ITGB2: variants seen among roughly 807,000 people sequenced by gnomAD.
The protein encoded by ITGB2 is integrin beta-2.
Under a neutral mutation model 86.8 loss-of-function variants are expected in ITGB2, and 56 were observed. The ratio of observed to expected loss-of-function variants is 0.65; its 90% confidence interval spans 0.52 to 0.81. ITGB2 has a LOEUF of 0.81. ITGB2 is among the 30% of genes least tolerant of loss of function. ITGB2 has a pLI of 0.00. For missense variants in ITGB2, 948 were observed against 1,061.2 expected (o/e 0.89, Z 1.48); for synonymous variants, 457 against 450.4 (o/e 1.01, Z -0.19).
At chr21:44,924,579 G>C (rs1472293260), upstream of ITGB2, among the ~76,000 whole-genome samples, 1 of 151,962 alleles carries the variant, frequency 6.6e-6, no homozygotes, top group Non-Finnish European at 1.5e-5. Context: ...ATAATTACTA[G>C]ACCACAAGGG....
chr21:44,907,528 T>A (rs78817945), intron 3 of ITGB2, among the ~76,000 whole-genome samples: 2,600 of 152,100 alleles, frequency 0.017, 54 homozygotes, highest in African/African-American at 0.053. Flanking sequence ...ATGGGCAGGG[T>A]TCTGGGCCAA....
At chr21:44,910,080 A>G (rs2084106006) in intron 3 of ITGB2, among the ~76,000 whole-genome samples, 1 of 152,212 alleles carries the variant, frequency 6.6e-6, no homozygotes, top group Non-Finnish European at 1.5e-5. Context: ...GAAAAAATAC[A>G]AGTGTGTGTT....
rs1159510865 is a variant in ITGB2, at chr21:44,886,360, A to G, written c.*8T>C. 5 of 1,613,790 alleles carry G rather than the reference A, an allele frequency of 3.1e-6. No individual in the cohort carries two copies. The highest frequency in any genetic ancestry group is 4.2e-6 in the Non-Finnish European group (5 of 1,179,704). On this transcript the variant is annotated 3_prime_UTR_variant, in exon 16 of 16. Transcript: ENST00000652462. ...GGGTCCTGACGGCCTTGTCTTCACC[A>G]AGTGCTCCTAACTCTCAGCAAACTT...
intron 1 of ITGB2, among the ~76,000 whole-genome samples, chr21:44,914,937 AAAAAAGAAAAG>A (rs943241034): frequency 1.4e-4 from 21 of 151,932 alleles, no homozygotes; most frequent in African/African-American, 5.1e-4. Context: ...TGTCTCAAAA[AAAAAAGAAAAG>A]AAAAAGAAAG....
chr21:44,919,168 CACA>C (rs1383963500), intron 1 of ITGB2, among the ~76,000 whole-genome samples: 26 of 152,154 alleles, frequency 1.7e-4, no homozygotes, highest in Admixed American at 2.6e-4. Flanking sequence ...GTCAGGTGGC[CACA>C]GGGGTCCTGG....
intron 4 of ITGB2, among the ~76,000 whole-genome samples, chr21:44,904,198 C>G (rs1177103083): frequency 6.6e-6 from 1 of 152,102 alleles, no homozygotes; most frequent in Non-Finnish European, 1.5e-5. Flanking sequence ...CACCCTCCAG[C>G]CTTCAGCCCC....
chr21:44,923,847 G>T (rs1265929600), upstream of ITGB2, among the ~76,000 whole-genome samples: 1 of 152,170 alleles, frequency 6.6e-6, no homozygotes, highest in African/African-American at 2.4e-5. Flanking sequence ...CAGATAAACT[G>T]TTAAAAGAGA....
At chr21:44,922,658 GAAAAAA>G (rs10532717), upstream of ITGB2, among the ~76,000 whole-genome samples, 1 of 114,706 alleles carries the variant, frequency 8.7e-6, no homozygotes. Flanking sequence ...GGGTAACTGA[GAAAAAA>G]AAAAAAAAAA....
rs2083697547 is a variant in ITGB2 at position 44,886,334 on chromosome 21, T to C, written c.*34A>G. ...CGGCCGCGTGATGGGGCAGACATGG[T>C]GGGTCCTGACGGCCTTGTCTTCACC... On this transcript the variant is annotated 3_prime_UTR_variant, in exon 16 of 16. Coordinates refer to ENST00000652462, the MANE Select transcript of ITGB2 (RefSeq NM_000211.5). The C allele has an allele frequency of 1.3e-6, 2 of 1,595,288 alleles. No homozygotes were observed. The highest frequency in any genetic ancestry group is 8.6e-7 in the Non-Finnish European group (1 of 1,162,868).
Position 44,888,784 on chromosome 21 carries a change from C to T in ITGB2, c.1989G>A (p.Lys663=), listed in dbSNP as rs1601280794. Residue 663 remains lysine, a synonymous_variant, in exon 14 of 16, where the codon AAG becomes AAA. Coordinates refer to ENST00000652462, the MANE Select transcript of ITGB2 (RefSeq NM_000211.5). ...CCCAGCAGCCCTCTGAGTCCCTCTC[C>T]TTGCAGGTCCTGCCCTTCACGGGGT... is the stretch of plus-strand genomic sequence containing the variant. ...SNNPVKGRTC[K]ERDSEGCWVA... is the part of the protein sequence containing the mutation. 3 of 1,612,120 alleles carry T rather than the reference C, an allele frequency of 1.9e-6. No individual in the cohort carries two copies. The highest frequency in any genetic ancestry group is 1.7e-6 in the Non-Finnish European group (2 of 1,179,986).
upstream of ITGB2, among the ~76,000 whole-genome samples, chr21:44,925,851 G>C (rs1185724397): frequency 6.6e-6 from 1 of 152,198 alleles, no homozygotes; most frequent in Non-Finnish European, 1.5e-5. Context: ...GGCCGAGGCG[G>C]GTGGATCACG....
intron 14 of ITGB2, 33 bp from the exon 15 acceptor site, chr21:44,886,935 C>A: frequency 6.2e-7 from 1 of 1,608,762 alleles, no homozygotes; most frequent in Non-Finnish European, 8.5e-7. Context: ...GAGCGTCAGT[C>A]CAGCCCCATC....
At chr21:44,920,274 G>A (rs1238630794) in intron 1 of ITGB2, among the ~76,000 whole-genome samples, 2 of 151,760 alleles carry the variant, frequency 1.3e-5, no homozygotes, top group South Asian at 2.1e-4. Flanking sequence ...TGCCACACAC[G>A]TGCACCATAC....
chr21:44,903,211 G>T, intron 5 of ITGB2, among the ~76,000 whole-genome samples, 154 bp downstream of exon 5: 1 of 152,138 alleles, frequency 6.6e-6, no homozygotes, highest in East Asian at 1.9e-4. Context: ...GAGGCAGGCC[G>T]ACTGCAGCCC....
At chr21:44,922,617 G>A (rs1465168703), upstream of ITGB2, among the ~76,000 whole-genome samples, 3 of 142,810 alleles carry the variant, frequency 2.1e-5, no homozygotes, top group South Asian at 7.0e-4. Flanking sequence ...AGGCTACGGT[G>A]AACCATGCTT....
chr21:44,918,958 G>A (rs536318145), intron 1 of ITGB2, among the ~76,000 whole-genome samples: 112 of 150,908 alleles, frequency 7.4e-4, no homozygotes, highest in Non-Finnish European at 1.4e-3. Flanking sequence ...CCCAGCACTC[G>A]GAGCTGAGCG....
chr21:44,900,715 G>A (rs1309457823), intron 6 of ITGB2, among the ~76,000 whole-genome samples: 1 of 152,224 alleles, frequency 6.6e-6, no homozygotes, highest in Non-Finnish European at 1.5e-5. Flanking sequence ...GTGTGGAAAG[G>A]CAAGGAGAGA....
rs1198841500 is a variant in ITGB2, at chr21:44,886,046, C to T, written c.*322G>A. 1.9e-5 allele frequency: 8 copies of T among 417,460 alleles called. No individual in the cohort carries two copies. The highest frequency in any genetic ancestry group is 3.1e-5 in the Non-Finnish European group (7 of 225,376). The allele number at this position is 417,460 out of a possible 1,614,324, so 25.9% of individuals were successfully genotyped here. ...AATGGGATGTCATTTTATACCCTGA[C>T]AAGTTTAAATGTAAATAAATTGGCA... On this transcript the variant is annotated 3_prime_UTR_variant, in exon 16 of 16. Coordinates refer to ENST00000652462, the MANE Select transcript of ITGB2 (RefSeq NM_000211.5).
chr21:44,891,364 C>T (rs777797564), intron 11 of ITGB2, among the ~76,000 whole-genome samples: 1 of 152,236 alleles, frequency 6.6e-6, no homozygotes, highest in Non-Finnish European at 1.5e-5. Flanking sequence ...TGCCCCAGGG[C>T]TGCCAGCCTG....
Sources: gnomAD v4.1 joint callset for allele counts (sites outside exome capture counted in the v4.1 genomes callset) on GRCh38, gnomAD v4.1.1 for gene constraint, MANE v1.5 for transcripts, NCBI Gene and HGNC (gene_info 2026-07-23, HGNC 2026-07-21) for gene names.